CSMD1: variants seen among roughly 807,000 people sequenced by gnomAD.
The protein encoded by CSMD1 is CUB and sushi domain-containing protein 1.
In CSMD1, 213 loss-of-function variants were observed where a neutral mutation model predicts 417.5. That is an observed-to-expected ratio of 0.51 (90% CI 0.46 to 0.57). CSMD1 has a LOEUF of 0.57. CSMD1 is among the 20% of genes least tolerant of loss of function. The pLI is 0.00. For missense variants in CSMD1, 6,923 were observed against 4,529.7 expected (o/e 1.53, Z -15.17); for synonymous variants, 2,862 against 1,736.8 (o/e 1.65, Z -16.11).
At chr8:4,887,256 T>C (rs1300904173) in intron 1 of CSMD1, among the ~76,000 whole-genome samples, 2 of 152,130 alleles carry the variant, frequency 1.3e-5, no homozygotes, top group Non-Finnish European at 2.9e-5. Flanking sequence ...GTATGCTGTT[T>C]AATTTCCATA....
At chr8:4,105,711 T>C (rs759337578) in intron 3 of CSMD1, among the ~76,000 whole-genome samples, 1 of 152,190 alleles carries the variant, frequency 6.6e-6, no homozygotes, top group Non-Finnish European at 1.5e-5. Context: ...GGGTACCCCA[T>C]GGCAAGATCA....
At chr8:4,027,289 G>T (rs908681228) in intron 4 of CSMD1, among the ~76,000 whole-genome samples, 1 of 152,176 alleles carries the variant, frequency 6.6e-6, no homozygotes, top group Admixed American at 6.6e-5. Context: ...TGTTAGGAGA[G>T]AGTGAGTCAG....
intron 5 of CSMD1, among the ~76,000 whole-genome samples, chr8:3,834,199 ATT>A (rs941497184): frequency 6.6e-6 from 1 of 151,834 alleles, no homozygotes; most frequent in East Asian, 1.9e-4. Flanking sequence ...TTATTTTAAA[ATT>A]TTTTTTCTTT....
In CSMD1 at chr8:3,865,570, C is replaced by A. The variant is rs17067793; in HGVS notation, c.819-111528G>T. On this transcript the variant is annotated intron_variant, in intron 5 of 69. Coordinates refer to ENST00000635120, the MANE Select transcript of CSMD1 (RefSeq NM_033225.6). The stretch of plus-strand genomic sequence containing the variant: ...CAAGCAGGCACGTACAGTGGGAAGC[C>A]GCAGGAGAATTCAGGTGCCTCTCAT... Among the ~76,000 whole-genome samples, 442 of 152,054 alleles carry A rather than the reference C, an allele frequency of 2.9e-3. 13 individuals are homozygous for A. Among genetic ancestry groups the A allele is most frequent in the Non-Finnish European group, 8.2e-4 (56 of 67,986 alleles).
chr8:3,070,762 C>T (rs1027423283), intron 49 of CSMD1, among the ~76,000 whole-genome samples: 7 of 152,238 alleles, frequency 4.6e-5, no homozygotes, highest in African/African-American at 9.7e-5. Context: ...CCTTCCCAAC[C>T]TCTGCCTGTT....
intron 1 of CSMD1, among the ~76,000 whole-genome samples, chr8:4,884,658 A>G (rs1483783385): frequency 6.6e-6 from 1 of 152,096 alleles, no homozygotes; most frequent in African/African-American, 2.4e-5. Context: ...CTTGGCAGTC[A>G]TATCAAATAA....
At chr8:3,215,712 C>T (rs1797843745) in intron 29 of CSMD1, among the ~76,000 whole-genome samples, 1 of 151,988 alleles carries the variant, frequency 6.6e-6, no homozygotes, top group Non-Finnish European at 1.5e-5. Context: ...TTCAATAGAC[C>T]ATCTAAAATA....
At chr8:4,513,135 G>A (rs1443938542) in intron 2 of CSMD1, among the ~76,000 whole-genome samples, 1 of 152,190 alleles carries the variant, frequency 6.6e-6, no homozygotes, top group Non-Finnish European at 1.5e-5. Flanking sequence ...GCGCTCCAAT[G>A]TAAACTATGG....
chr8:4,599,708 G>C (rs896241972), intron 2 of CSMD1, among the ~76,000 whole-genome samples: 1 of 152,190 alleles, frequency 6.6e-6, no homozygotes, highest in Non-Finnish European at 1.5e-5. Context: ...GTGATAGCCA[G>C]TCATAGCAAC....
intron 3 of CSMD1, among the ~76,000 whole-genome samples, chr8:4,122,022 C>G (rs919241217): frequency 6.6e-6 from 1 of 151,746 alleles, no homozygotes. Context: ...AATTTTAAAT[C>G]TATAAACTTT....
At chr8:4,738,422 G>T (rs1028354044) in intron 1 of CSMD1, among the ~76,000 whole-genome samples, 2 of 152,132 alleles carry the variant, frequency 1.3e-5, no homozygotes, top group African/African-American at 4.8e-5. Flanking sequence ...AGGGCTGAGC[G>T]AAGGGGGAAA....
chr8:4,064,328 T>C (rs561480069), intron 3 of CSMD1, among the ~76,000 whole-genome samples: 1 of 152,338 alleles, frequency 6.6e-6, no homozygotes, highest in South Asian at 2.1e-4. Context: ...TGGTGTTTCA[T>C]AGTCACCTGC....
At chr8:3,388,990 G>C (rs1811183469) in intron 17 of CSMD1, among the ~76,000 whole-genome samples, 1 of 151,880 alleles carries the variant, frequency 6.6e-6, no homozygotes, top group Non-Finnish European at 1.5e-5. Flanking sequence ...CACTCCCACA[G>C]ATTTTATGCA....
At chr8:3,732,625 C>A (rs943920136) in intron 6 of CSMD1, among the ~76,000 whole-genome samples, 44 of 152,244 alleles carry the variant, frequency 2.9e-4, no homozygotes, top group African/African-American at 4.1e-4. Context: ...GCCTTTAAGA[C>A]CTTTTTGGTT....
intron 3 of CSMD1, among the ~76,000 whole-genome samples, chr8:4,054,689 A>G (rs558817905): frequency 2.3e-4 from 35 of 152,280 alleles, no homozygotes; most frequent in African/African-American, 7.5e-4. Context: ...AGCTGAATAC[A>G]TGTGAATTCC....
At chr8:4,031,501 C>A (rs968388127) in intron 4 of CSMD1, among the ~76,000 whole-genome samples, 1 of 152,134 alleles carries the variant, frequency 6.6e-6, no homozygotes, top group African/African-American at 2.4e-5. Flanking sequence ...CAATTACCTT[C>A]TACCAGGTTC....
At chr8:3,656,090 C>A (rs1798088040) in intron 7 of CSMD1, among the ~76,000 whole-genome samples, 1 of 152,184 alleles carries the variant, frequency 6.6e-6, no homozygotes, top group Admixed American at 6.5e-5. Flanking sequence ...CTGCTACACA[C>A]AGATGCTACC....
intron 23 of CSMD1, among the ~76,000 whole-genome samples, chr8:3,321,220 C>T (rs1584995712): frequency 6.6e-6 from 1 of 152,124 alleles, no homozygotes; most frequent in Non-Finnish European, 1.5e-5. Context: ...CACAAGATTG[C>T]TGTTGTTGCT....
chr8:4,426,921 A>G (rs73512749), intron 2 of CSMD1, among the ~76,000 whole-genome samples: 4,864 of 151,920 alleles, frequency 0.032, 275 homozygotes, highest in African/African-American at 0.11. Flanking sequence ...TTTATTTTAT[A>G]TAGAAGAGAA....
Sources: allele counts gnomAD v4.1 joint callset (sites outside exome capture counted in the v4.1 genomes callset), GRCh38; gene constraint gnomAD v4.1.1; transcripts MANE v1.5; gene names NCBI Gene and HGNC (gene_info 2026-07-23, HGNC 2026-07-21).